NME7: variants seen among roughly 807,000 people sequenced by gnomAD.
NME7 encodes the protein nucleoside diphosphate kinase 7.
NME7 carries 41 observed loss-of-function variants against 49.1 expected under a neutral mutation model. The observed-to-expected ratio is 0.83, with a 90% CI of 0.65 to 1.08. The LOEUF is 1.08. Ranked by LOEUF, NME7 falls within the 50% of genes least tolerant of loss-of-function variation. NME7 has a pLI of 0.00. For synonymous variants in NME7, 139 were observed against 150.6 expected, an observed-to-expected ratio of 0.92 and a Z score of 0.56; for missense variants, 423 against 463.4, an observed-to-expected ratio of 0.91 and a Z score of 0.80.
At chr1:169,350,703 AAG>A (rs376581014) in intron 1 of NME7, among the ~76,000 whole-genome samples, 43 of 152,248 alleles carry the variant, frequency 2.8e-4, no homozygotes, top group African/African-American at 9.9e-4. Context: ...GCAAACATAA[AAG>A]AGATTAAAAA....
chr1:169,132,868 T>G, intron 11 of NME7, 51 bp from the exon 12 acceptor site: 2 of 1,534,374 alleles, frequency 1.3e-6, no homozygotes, highest in African/African-American at 1.4e-5. Context: ...TTTGGTCTTT[T>G]CCACTTAACA....
rs1999880 is a variant in NME7, at chr1:169,285,178, G to A, written c.754+2125C>T. 19 of 152,106 alleles carry A rather than the reference G, an allele frequency of 1.2e-4. No individual in the cohort carries two copies. The East Asian group carries it at 1.9e-3, about 15-fold the overall frequency. 9.4% of individuals were successfully genotyped at this position (152,106 alleles called of 1,614,324 possible). A position where few individuals can be genotyped will look rare whatever the true frequency, so the allele number is the denominator to read the frequency against. On this transcript the variant is annotated intron_variant, in intron 7 of 11. Transcript: ENST00000367811. Reference sequence around the variant, plus strand: ...TTGATTTTGAAATATCTGTAGATACGTATTTGTGGAGCATACCCAATTCAA... The same window carrying A: ...TTGATTTTGAAATATCTGTAGATACATATTTGTGGAGCATACCCAATTCAA...
intron 7 of NME7, among the ~76,000 whole-genome samples, chr1:169,253,671 C>A (rs534977991): frequency 6.6e-6 from 1 of 152,258 alleles, no homozygotes; most frequent in South Asian, 2.1e-4. Context: ...CTAGTTTTTG[C>A]CCATTCAGTA....
intron 6 of NME7, among the ~76,000 whole-genome samples, chr1:169,289,151 T>C (rs574837330): frequency 3.2e-4 from 48 of 152,156 alleles, no homozygotes; most frequent in Non-Finnish European, 5.9e-4. Context: ...TGGTTAATTA[T>C]TCTCAGCCCT....
chr1:169,178,776 C>T (rs1659838478), intron 10 of NME7, among the ~76,000 whole-genome samples: 1 of 151,400 alleles, frequency 6.6e-6, no homozygotes, highest in Non-Finnish European at 1.5e-5. Flanking sequence ...ATTGCTCCCT[C>T]CAAAGTCACC....
In NME7 at chr1:169,230,810, T is replaced by C. The variant is rs1486528433; in HGVS notation, c.898A>G (p.Thr300Ala). ...ACACAAGGGCCAGAATACATTTCTG[T>C]CACCATGTCCTATGATATGTAATAT... The part of the protein sequence containing the change: ...GVVTEYHDMV[T>A]EMYSGPCVAM... The change falls in exon 10 of 12, where the codon ACA becomes GCA. Residue 300 changes from threonine to alanine, a missense_variant. Transcript: ENST00000367811. 2 of 1,592,178 alleles carry C rather than the reference T, an allele frequency of 1.3e-6. No individual in the cohort carries two copies. Among genetic ancestry groups the C allele is most frequent in the Non-Finnish European group, 1.7e-6 (2 of 1,167,294 alleles).
At chr1:169,361,824 T>C (rs570800174) in intron 1 of NME7, among the ~76,000 whole-genome samples, 148 of 150,534 alleles carry the variant, frequency 9.8e-4, no homozygotes, top group African/African-American at 3.4e-3. Flanking sequence ...CCAGAAAAGC[T>C]ATTAGGAGAA....
intron 11 of NME7, among the ~76,000 whole-genome samples, chr1:169,152,427 C>A (rs1202335984): frequency 1.3e-5 from 2 of 152,190 alleles, no homozygotes; most frequent in Non-Finnish European, 2.9e-5. Flanking sequence ...AGAATTCAAA[C>A]CCAGGTAGTC....
chr1:169,344,368 C>A (rs867353583), intron 1 of NME7, among the ~76,000 whole-genome samples: 2 of 152,136 alleles, frequency 1.3e-5, no homozygotes, highest in African/African-American at 4.8e-5. Flanking sequence ...GTCTAGATGT[C>A]TTTCATTTAT....
intron 7 of NME7, among the ~76,000 whole-genome samples, chr1:169,257,046 A>G (rs1279030846): frequency 7.5e-6 from 1 of 133,180 alleles, no homozygotes; most frequent in African/African-American, 2.5e-5. Context: ...CCAGAGGTGG[A>G]GCCTACAGAG....
At chr1:169,183,576 C>A (rs10919087) in intron 10 of NME7, among the ~76,000 whole-genome samples, 1 of 151,310 alleles carries the variant, frequency 6.6e-6, no homozygotes, top group African/African-American at 2.4e-5. Flanking sequence ...CTGAGGCGGG[C>A]GGATCACGAG....
rs961424838 is a variant in NME7, at chr1:169,342,957, A to G, written c.4-18457T>C. 9.1e-4 allele frequency among the ~76,000 whole-genome samples: 78 copies of G among 85,474 alleles called. 23 individuals are homozygous for G. Among genetic ancestry groups the G allele is most frequent in the Middle Eastern group, 6.6e-3 (1 of 152 alleles). 56.1% of individuals were successfully genotyped at this position (85,474 alleles called of 152,430 possible). On this transcript the variant is annotated intron_variant, in intron 1 of 11. Coordinates refer to ENST00000367811, the MANE Select transcript of NME7 (RefSeq NM_013330.5). Reference sequence around the variant, plus strand: ...TACATATATATACTTGTATTAGTATATATATATATATATACAAGTACATAT... The same window carrying G: ...TACATATATATACTTGTATTAGTATGTATATATATATATACAAGTACATAT...
intron 6 of NME7, among the ~76,000 whole-genome samples, chr1:169,295,477 G>T (rs1321513126): frequency 6.6e-6 from 1 of 152,100 alleles, no homozygotes; most frequent in Non-Finnish European, 1.5e-5. Flanking sequence ...TTTTTATAAT[G>T]CTTTAAAATA....
chr1:169,350,922 A>G (rs994098737), intron 1 of NME7, among the ~76,000 whole-genome samples: 19 of 152,148 alleles, frequency 1.2e-4, no homozygotes, highest in Non-Finnish European at 1.5e-5. Context: ...CTTTAGCTAT[A>G]AAATTTGGGA....
intron 4 of NME7, among the ~76,000 whole-genome samples, chr1:169,304,299 C>T (rs1045059118): frequency 2.0e-5 from 3 of 152,222 alleles, no homozygotes; most frequent in Non-Finnish European, 2.9e-5. Flanking sequence ...ACTGGGTTCA[C>T]AGTATGTGAC....
At chr1:169,152,173 A>G (rs1658933110) in intron 11 of NME7, among the ~76,000 whole-genome samples, 1 of 152,166 alleles carries the variant, frequency 6.6e-6, no homozygotes, top group East Asian at 1.9e-4. Context: ...TGACTCTACT[A>G]TATTTATTTT....
At chr1:169,314,417 T>C (rs1651529743) in intron 3 of NME7, among the ~76,000 whole-genome samples, 1 of 151,990 alleles carries the variant, frequency 6.6e-6, no homozygotes, top group Non-Finnish European at 1.5e-5. Flanking sequence ...TATGTTGTAG[T>C]TTCTAGTGTA....
chr1:169,284,563 G>T (rs1242546346), intron 7 of NME7: 1 of 152,020 alleles, frequency 6.6e-6, no homozygotes, highest in Non-Finnish European at 1.5e-5. Context: ...AGTTCATTTT[G>T]CTGTACAGAA....
At chr1:169,206,843 G>T (rs970466285) in intron 10 of NME7, among the ~76,000 whole-genome samples, 4 of 150,954 alleles carry the variant, frequency 2.6e-5, no homozygotes, top group Admixed American at 1.3e-4. Flanking sequence ...TGCAATTTCT[G>T]GTGGTTGCTA....
Sources: gnomAD v4.1 joint callset for allele counts (sites outside exome capture counted in the v4.1 genomes callset) on GRCh38, gnomAD v4.1.1 for gene constraint, MANE v1.5 for transcripts, NCBI Gene and HGNC (gene_info 2026-07-23, HGNC 2026-07-21) for gene names.